Variants in PCSK5 observed in about 807,000 individuals in gnomAD.
PCSK5 encodes proprotein convertase subtilisin/kexin type 5.
In PCSK5, 129 loss-of-function variants were observed where a neutral mutation model predicts 233.2. The ratio of observed to expected loss-of-function variants is 0.55; its 90% CI spans 0.48 to 0.64. The LOEUF (loss-of-function observed/expected upper bound fraction) is 0.64, where lower values mean the gene tolerates loss of function less well. Ranked by LOEUF, PCSK5 falls within the 30% of genes least tolerant of loss-of-function variation. The pLI is 0.00. For synonymous variants in PCSK5, 825 were observed against 879.2 expected (o/e 0.94, Z 1.09); for missense variants, 2,076 against 2,430.1 (o/e 0.85, Z 3.06).
intron 7 of PCSK5, among the ~76,000 whole-genome samples, chr9:76,075,174 C>G (rs1330712216): frequency 6.6e-6 from 1 of 152,014 alleles, no homozygotes; most frequent in East Asian, 1.9e-4. Flanking sequence ...GAGCCAAGAT[C>G]ACGCCACTGC....
At chr9:76,265,786 G>A (rs1249589834) in intron 24 of PCSK5, among the ~76,000 whole-genome samples, 5 of 152,088 alleles carry the variant, frequency 3.3e-5, no homozygotes, top group Non-Finnish European at 5.9e-5. Flanking sequence ...TAAAACAAGT[G>A]GGTGACCACC....
At chr9:76,002,937 G>T (rs891270821) in intron 3 of PCSK5, among the ~76,000 whole-genome samples, 1 of 152,208 alleles carries the variant, frequency 6.6e-6, no homozygotes, top group Non-Finnish European at 1.5e-5. Flanking sequence ...AAAAGTGAGA[G>T]CCTTTGCCTT....
chr9:75,958,872 C>A (rs1277915354), intron 2 of PCSK5, among the ~76,000 whole-genome samples: 1 of 152,200 alleles, frequency 6.6e-6, no homozygotes, highest in Non-Finnish European at 1.5e-5. Flanking sequence ...TCCATTCATT[C>A]AATCAACACT....
chr9:76,264,665 A>G lies in PCSK5; in HGVS notation c.3142+23981A>G, dbSNP rs536774440. ...GACAACAAACATGAAACAATTATCC[A>G]CATCGCTAACATCAGAGAAATGCAA... On this transcript the variant is annotated intron_variant, in intron 24 of 37. Coordinates refer to ENST00000674117, the MANE Select transcript of PCSK5 (RefSeq NM_001372043.1). 1.3e-4 allele frequency among the ~76,000 whole-genome samples: 20 copies of G among 152,278 alleles called. No homozygotes were observed. In the East Asian group the frequency reaches 3.9e-3, roughly 29 times the overall value.
intron 12 of PCSK5, among the ~76,000 whole-genome samples, chr9:76,162,084 G>A (rs905442747): frequency 6.6e-6 from 1 of 152,146 alleles, no homozygotes; most frequent in Non-Finnish European, 1.5e-5. Flanking sequence ...CCCAAGAGAT[G>A]TAAAGGATAT....
rs894281648 is a variant in PCSK5 at position 76,189,017 on chromosome 9, C to T, written c.2381-77C>T. The T allele has an allele frequency of 2.4e-6, 3 of 1,274,950 alleles. No individual in the cohort carries two copies. The African/African-American group carries it at 4.5e-5, about 19-fold the overall frequency. The allele number at this position is 1,274,950 out of a possible 1,614,324, so 79.0% of individuals were successfully genotyped here. A position where few individuals can be genotyped will look rare whatever the true frequency, so the allele number is the denominator to read the frequency against. On this transcript the variant is annotated intron_variant, in intron 18 of 37. Coordinates refer to ENST00000674117, the MANE Select transcript of PCSK5 (RefSeq NM_001372043.1). ...TATTCTTTGACGCCATTTTCTCAAA[C>T]TGTTAAAGAAGAAGCCCATGACACC... is the stretch of plus-strand genomic sequence containing the variant.
At chr9:76,357,224 G>A (rs35340990) in intron 37 of PCSK5, among the ~76,000 whole-genome samples, 6,681 of 152,196 alleles carry the variant, frequency 0.044, 495 homozygotes, top group African/African-American at 0.15. Flanking sequence ...TTGGAACTCC[G>A]GATTTCAAAA....
intron 24 of PCSK5, among the ~76,000 whole-genome samples, chr9:76,281,850 C>T (rs1428439488): frequency 2.0e-5 from 3 of 151,928 alleles, no homozygotes; most frequent in Non-Finnish European, 4.4e-5. Flanking sequence ...GGTTTTGCCA[C>T]GTTGCCCAGG....
chr9:76,128,857 C>G (rs1822633454), intron 9 of PCSK5, among the ~76,000 whole-genome samples: 1 of 152,090 alleles, frequency 6.6e-6, no homozygotes, highest in African/African-American at 2.4e-5. Flanking sequence ...CTGTATTTTC[C>G]AATACCACAA....
intron 5 of PCSK5, among the ~76,000 whole-genome samples, chr9:76,058,513 C>T (rs563949055): frequency 3.9e-5 from 6 of 152,190 alleles, no homozygotes; most frequent in African/African-American, 1.4e-4. Flanking sequence ...AGGATTTACA[C>T]CTGTAATTCC....
At chr9:76,265,523 A>G (rs935138210) in intron 24 of PCSK5, among the ~76,000 whole-genome samples, 11 of 152,192 alleles carry the variant, frequency 7.2e-5, no homozygotes, top group Admixed American at 2.6e-4. Flanking sequence ...AATGCAATGC[A>G]TGATCCTAGA....
At chr9:75,899,885 A>C (rs1310546424) in intron 1 of PCSK5, among the ~76,000 whole-genome samples, 1 of 152,160 alleles carries the variant, frequency 6.6e-6, no homozygotes, top group Admixed American at 6.5e-5. Flanking sequence ...GAAGATGGAG[A>C]GAGCCACCAG....
chr9:75,989,970 C>A (rs1384697409), intron 3 of PCSK5, among the ~76,000 whole-genome samples: 1 of 152,184 alleles, frequency 6.6e-6, no homozygotes, highest in Non-Finnish European at 1.5e-5. Flanking sequence ...AAGCCTTTAA[C>A]ACAGTGCCTG....
intron 5 of PCSK5, among the ~76,000 whole-genome samples, chr9:76,036,561 C>A (rs1828867270): frequency 6.6e-6 from 1 of 152,142 alleles, no homozygotes; most frequent in Admixed American, 6.5e-5. Flanking sequence ...GTTCCTGTTT[C>A]AATTAAACAA....
At chr9:76,348,007 A>G (rs920214683) in intron 35 of PCSK5, among the ~76,000 whole-genome samples, 1 of 152,006 alleles carries the variant, frequency 6.6e-6, no homozygotes, top group Non-Finnish European at 1.5e-5. Flanking sequence ...ACAGTGGCTC[A>G]CACCTGTAAT....
intron 14 of PCSK5, among the ~76,000 whole-genome samples, chr9:76,177,029 C>A (rs966733781): frequency 6.6e-6 from 1 of 152,206 alleles, no homozygotes; most frequent in Non-Finnish European, 1.5e-5. Flanking sequence ...GTGGCCCACG[C>A]CTGTAATCCC....
chr9:76,321,242 T>A (rs566742105), intron 30 of PCSK5, among the ~76,000 whole-genome samples, 180 bp from the exon 31 acceptor site: 11 of 152,214 alleles, frequency 7.2e-5, no homozygotes, highest in Non-Finnish European at 1.5e-4. Context: ...AGAATAATGC[T>A]TGTCCTTTTC....
chr9:75,912,391 T>G (rs1822783751), intron 1 of PCSK5, among the ~76,000 whole-genome samples: 1 of 152,026 alleles, frequency 6.6e-6, no homozygotes, highest in Admixed American at 6.6e-5. Flanking sequence ...GGAGAGGCAA[T>G]GGGAGTGGGT....
At chr9:75,990,523 G>T (rs1342292638) in intron 3 of PCSK5, among the ~76,000 whole-genome samples, 2 of 152,156 alleles carry the variant, frequency 1.3e-5, no homozygotes, top group Non-Finnish European at 2.9e-5. Flanking sequence ...GAGTTGGAGG[G>T]TTAATCCTAG....
Sources: allele counts gnomAD v4.1 joint callset (sites outside exome capture counted in the v4.1 genomes callset), GRCh38; gene constraint gnomAD v4.1.1; transcripts MANE v1.5; gene names NCBI Gene and HGNC (gene_info 2026-07-23, HGNC 2026-07-21).